The following AGO1 variants were observed in gnomAD, a reference collection of about 807,000 sequenced individuals.
The protein encoded by AGO1 is argonaute RISC component 1, also known as protein argonaute-1.
AGO1 carries 11 observed loss-of-function variants against 109.2 expected under a neutral mutation model. The ratio of observed to expected loss-of-function variants is 0.10; its 90% confidence interval spans 0.06 to 0.17. The LOEUF (loss-of-function observed/expected upper bound fraction) is 0.17, where lower values mean the gene tolerates loss of function less well. Among genes scored for constraint, AGO1 ranks in the 10% least tolerant of loss-of-function variants. AGO1 has a pLI of 1.00. For synonymous variants in AGO1, 422 were observed against 418.6 expected (o/e 1.01, Z -0.10); for missense variants, 574 against 1,140.3 (o/e 0.50, Z 7.15).
At chr1:35,890,983 A>T (rs1475457696) in intron 2 of AGO1, among the ~76,000 whole-genome samples, 1 of 152,216 alleles carries the variant, frequency 6.6e-6, no homozygotes, top group East Asian at 1.9e-4. Flanking sequence ...GTTTGTGTAT[A>T]TGTCTGGAAA....
At chr1:35,875,450 G>T (rs1644985476) in intron 1 of AGO1, among the ~76,000 whole-genome samples, 1 of 151,436 alleles carries the variant, frequency 6.6e-6, no homozygotes, top group African/African-American at 2.4e-5. Context: ...GTCTCGCTTT[G>T]TCGCCCAGGC....
Position 35,898,279 on chromosome 1 carries a change from C to T in AGO1, c.1020+3010C>T, listed in dbSNP as rs190560820. On this transcript the variant is annotated intron_variant, in intron 8 of 18. Coordinates refer to ENST00000373204, the MANE Select transcript of AGO1 (RefSeq NM_012199.5). Reference sequence around the variant, plus strand: ...TAACATCTTTTTTTTTTTTTTGAGACGGAGTATCGCTCTGTTACCCAGGCT... The same window carrying T: ...TAACATCTTTTTTTTTTTTTTGAGATGGAGTATCGCTCTGTTACCCAGGCT... Among the ~76,000 whole-genome samples the T allele has an allele frequency of 4.9e-3, 728 of 147,978 alleles. 13 individuals are homozygous for T. Among genetic ancestry groups the T allele is most frequent in the Admixed American group, 0.041 (610 of 14,818 alleles).
In AGO1 at chr1:35,926,002, G is replaced by C. The variant is rs1645919439; in HGVS notation, c.*6395G>C. ...TCATCTGGCAGACTCCCTTGGGAAA[G>C]AGCCAGCCAGCCCCATGCTTCTTTT... On this transcript the variant is annotated 3_prime_UTR_variant, in exon 19 of 19. Coordinates refer to ENST00000373204, the MANE Select transcript of AGO1 (RefSeq NM_012199.5). 1 of 152,208 alleles carries C rather than the reference G, an allele frequency of 6.6e-6. No individual in the cohort carries two copies. The highest frequency in any genetic ancestry group is 6.5e-5 in the Admixed American group (1 of 15,284). The allele number at this position is 152,208 out of a possible 1,614,324, so 9.4% of individuals were successfully genotyped here.
rs942413140 is a variant in AGO1, at chr1:35,926,013, C to T, written c.*6406C>T. 6.6e-6 allele frequency: 1 copy of T among 152,038 alleles called. No individual in the cohort carries two copies. Among genetic ancestry groups the T allele is most frequent in the Non-Finnish European group, 1.5e-5 (1 of 68,014 alleles). 9.4% of individuals were successfully genotyped at this position (152,038 alleles called of 1,614,324 possible). A position where few individuals can be genotyped will look rare whatever the true frequency, so the allele number is the denominator to read the frequency against. Reference sequence around the variant, plus strand: ...ACTCCCTTGGGAAAGAGCCAGCCAGCCCCATGCTTCTTTTCAGCAGCAAGG... The same window carrying T: ...ACTCCCTTGGGAAAGAGCCAGCCAGTCCCATGCTTCTTTTCAGCAGCAAGG... On this transcript the variant is annotated 3_prime_UTR_variant, in exon 19 of 19. Coordinates refer to ENST00000373204, the MANE Select transcript of AGO1 (RefSeq NM_012199.5).
At chr1:35,895,037 T>C (rs967457217) in intron 7 of AGO1, 85 bp from the exon 8 acceptor site, 15 of 1,463,436 alleles carry the variant, frequency 1.0e-5, no homozygotes, top group African/African-American at 2.9e-5. Context: ...AAGGAAAAAA[T>C]CTGAGGCTTC....
At chr1:35,873,315 G>A in intron 1 of AGO1, 1 of 153,836 alleles carries the variant, frequency 6.5e-6, no homozygotes, top group Admixed American at 6.5e-5. Context: ...TTAGCAGCAG[G>A]CCACTGGATA....
rs1239632219 is a variant in AGO1 at position 35,928,728 on chromosome 1, A to G, written c.*9121A>G. ...GCTTGCCTTTTCATTTTGAAGAGCA[A>G]AAGTTTAAAATTTTGTGAATTTATT... On this transcript the variant is annotated 3_prime_UTR_variant, in exon 19 of 19. Transcript: ENST00000373204. 1.3e-5 allele frequency: 2 copies of G among 152,232 alleles called. No homozygotes were observed. The highest frequency in any genetic ancestry group is 2.4e-5 in the African/African-American group (1 of 41,454). 9.4% of individuals were successfully genotyped at this position (152,232 alleles called of 1,614,324 possible). A position where few individuals can be genotyped will look rare whatever the true frequency, so the allele number is the denominator to read the frequency against.
upstream of AGO1, among the ~76,000 whole-genome samples, chr1:35,880,397 G>GTAAA (rs906596241): frequency 3.3e-5 from 5 of 152,020 alleles, no homozygotes; most frequent in East Asian, 3.9e-4. Flanking sequence ...CAATAAGTAA[G>GTAAA]TAAATAAATA....
chr1:35,915,742 A>G (rs989254132), intron 15 of AGO1, among the ~76,000 whole-genome samples, 200 bp downstream of exon 15: 13 of 152,118 alleles, frequency 8.5e-5, no homozygotes, highest in African/African-American at 3.1e-4. Flanking sequence ...ATAATAGAAG[A>G]CCCTCACTGC....
rs889712007 is a variant in AGO1, at chr1:35,920,084, G to A, written c.*477G>A. ...TTTTTAGGAGCCTTAATCAGAAAAG[G>A]ACTAGATTTGTTTAAGAAGAAAAAT... On this transcript the variant is annotated 3_prime_UTR_variant, in exon 19 of 19. Coordinates refer to ENST00000373204, the MANE Select transcript of AGO1 (RefSeq NM_012199.5). The A allele has an allele frequency of 1.8e-4, 28 of 153,226 alleles. No individual in the cohort carries two copies. Among genetic ancestry groups the A allele is most frequent in the Non-Finnish European group, 1.2e-4 (8 of 68,680 alleles). 9.5% of individuals were successfully genotyped at this position (153,226 alleles called of 1,614,324 possible).
rs899277604 is a variant in AGO1 at position 35,902,999 on chromosome 1, CT to C, written c.1397+686del. On this transcript the variant is annotated intron_variant, in intron 11 of 18. Coordinates refer to ENST00000373204, the MANE Select transcript of AGO1 (RefSeq NM_012199.5). ...AAGTCAACAACCCCTCACCTGGAGTCTTTTTTTTTTTTTTTTTTTTTTTTAA... is the reference window on the plus strand; with the variant it reads ...AAGTCAACAACCCCTCACCTGGAGTCTTTTTTTTTTTTTTTTTTTTTTTAA... 3.7e-3 allele frequency among the ~76,000 whole-genome samples: 401 copies of C among 108,794 alleles called. 2 individuals are homozygous for C. The highest frequency in any genetic ancestry group is 6.3e-3 in the African/African-American group (185 of 29,372). 71.4% of individuals were successfully genotyped at this position (108,794 alleles called of 152,430 possible). A position where few individuals can be genotyped will look rare whatever the true frequency, so the allele number is the denominator to read the frequency against.
Position 35,888,469 on chromosome 1 carries a change from C to T in AGO1, c.68C>T (p.Ala23Val), listed in dbSNP as rs1645156570. The T allele has an allele frequency of 1.2e-6, 2 of 1,614,232 alleles. No individual in the cohort carries two copies. Among genetic ancestry groups the T allele is most frequent in the Non-Finnish European group, 1.7e-6 (2 of 1,180,030 alleles). The change falls in exon 2 of 19, where the codon GCA becomes GTA. Residue 23 changes from alanine to valine, a missense_variant. Physicochemically the swap from Ala to Val is moderately conservative, Grantham distance 64. Around this residue, in one of 8 missense-constraint regions of AGO1, gnomAD observed 89 missense variants for 109.6 expected, o/e 0.81. Coordinates refer to ENST00000373204, the MANE Select transcript of AGO1 (RefSeq NM_012199.5). This position sits in a 1 kb window ranked among gnomAD's most constrained non-coding sequence, Gnocchi z 4.1. ...YLPPLQQVFQ[A>V]PRRPGIGTVG... is the part of the protein sequence containing the mutation. ...CCCCCCCTGCAGCAGGTGTTCCAGGCACCTCGCCGGCCTGGCATTGGCACT... is the reference window on the plus strand; with the variant it reads ...CCCCCCCTGCAGCAGGTGTTCCAGGTACCTCGCCGGCCTGGCATTGGCACT...
chr1:35,912,005 A>G (rs1041665284), intron 12 of AGO1, among the ~76,000 whole-genome samples: 2 of 152,094 alleles, frequency 1.3e-5, no homozygotes, highest in African/African-American at 4.8e-5. Context: ...GGAGTTCCTC[A>G]AGATTCAGAT....
intron 1 of AGO1, among the ~76,000 whole-genome samples, chr1:35,870,496 G>T (rs1204741839): frequency 6.6e-6 from 1 of 152,062 alleles, no homozygotes; most frequent in Non-Finnish European, 1.5e-5. Context: ...TGTTAGCCAG[G>T]ATGGTCTCGA....
chr1:35,902,999 CTTTTTTTTTTTT>C (rs899277604), intron 11 of AGO1, among the ~76,000 whole-genome samples: 2 of 108,806 alleles, frequency 1.8e-5, no homozygotes, highest in South Asian at 3.1e-4. Flanking sequence ...CACCTGGAGT[CTTTTTTTTTTTT>C]TTTTTTTTTT....
intron 3 of AGO1, 134 bp downstream of exon 3, chr1:35,892,811 T>G: frequency 2.4e-6 from 3 of 1,253,944 alleles, no homozygotes; most frequent in Non-Finnish European, 3.4e-6. Flanking sequence ...GAGGGGTGGG[T>G]AGGTGCTGAT....
chr1:35,895,425 C>T (rs1307703809), intron 8 of AGO1, among the ~76,000 whole-genome samples, 156 bp downstream of exon 8: 1 of 152,120 alleles, frequency 6.6e-6, no homozygotes, highest in Non-Finnish European at 1.5e-5. Flanking sequence ...TTCTTACCTG[C>T]TAAGTTGTTT....
Position 35,901,014 on chromosome 1 carries a change from C to T in AGO1, c.1021-460C>T, listed in dbSNP as rs1212491349. 6.7e-6 allele frequency among the ~76,000 whole-genome samples: 1 copy of T among 149,594 alleles called. No individual in the cohort carries two copies. Among genetic ancestry groups the T allele is most frequent in the Non-Finnish European group, 1.5e-5 (1 of 67,620 alleles). ...TTTTTTTTTTTGAGACAGGGTCTCA[C>T]TCTGTCACCCAGGCTGGCGTTCAGT... On this transcript the variant is annotated intron_variant, in intron 8 of 18. Coordinates refer to ENST00000373204, the MANE Select transcript of AGO1 (RefSeq NM_012199.5). This position sits in a 1 kb window ranked among gnomAD's most constrained non-coding sequence, Gnocchi z 4.8.
At chr1:35,899,585 A>G (rs1332247138) in intron 8 of AGO1, among the ~76,000 whole-genome samples, 1 of 152,242 alleles carries the variant, frequency 6.6e-6, no homozygotes, top group African/African-American at 2.4e-5. Flanking sequence ...CTACAACTTT[A>G]AGGCACCTTT....
Sources: allele counts gnomAD v4.1 joint callset (sites outside exome capture counted in the v4.1 genomes callset), GRCh38; gene constraint gnomAD v4.1.1; regional missense constraint gnomAD v4.1.1; non-coding constraint Gnocchi (gnomAD v3.1); transcripts MANE v1.5; gene names NCBI Gene and HGNC (gene_info 2026-07-23, HGNC 2026-07-21).